The following SLC66A3 variants were observed in gnomAD, a reference collection of about 807,000 sequenced individuals.
SLC66A3 encodes PQ loop repeat containing 3.
Under a neutral mutation model 25.5 loss-of-function variants are expected in SLC66A3, and 23 were observed. The ratio of observed to expected loss-of-function variants is 0.90; its 90% CI spans 0.65 to 1.28. The LOEUF is 1.28. Ranked by LOEUF, SLC66A3 falls within the 50% of genes most tolerant of loss-of-function variation. The pLI is 0.00. For synonymous variants in SLC66A3, 108 were observed against 112.6 expected (o/e 0.96, Z 0.26); for missense variants, 246 against 262.1 (o/e 0.94, Z 0.42).
chr2:11,172,256 GA>G (rs35160592), intron 5 of SLC66A3, among the ~76,000 whole-genome samples: 9 of 149,404 alleles, frequency 6.0e-5, no homozygotes, highest in African/African-American at 2.2e-4. Context: ...AAGTTGCCAA[GA>G]AAAAAAAAAG....
intron 3 of SLC66A3, among the ~76,000 whole-genome samples, chr2:11,161,782 A>G (rs1374173727): frequency 6.6e-6 from 1 of 152,212 alleles, no homozygotes; most frequent in Non-Finnish European, 1.5e-5. Flanking sequence ...TGGCTTTCCA[A>G]AGTGCTGGGA....
chr2:11,175,252 T>C (rs1187119604), intron 6 of SLC66A3, among the ~76,000 whole-genome samples: 1 of 152,226 alleles, frequency 6.6e-6, no homozygotes, highest in Non-Finnish European at 1.5e-5. Flanking sequence ...GAACTTCCAC[T>C]TAAGCAGTGG....
chr2:11,170,854 G>A (rs1662526062), intron 4 of SLC66A3, among the ~76,000 whole-genome samples: 1 of 151,886 alleles, frequency 6.6e-6, no homozygotes, highest in Non-Finnish European at 1.5e-5. Context: ...CTCCCAAAGT[G>A]CTGGGATTAC....
chr2:11,157,885 C>G (rs948407560), intron 1 of SLC66A3, among the ~76,000 whole-genome samples: 5 of 152,148 alleles, frequency 3.3e-5, no homozygotes, highest in African/African-American at 9.7e-5. Flanking sequence ...TGGGCTCTGC[C>G]TCCCTGCTCT....
intron 4 of SLC66A3, among the ~76,000 whole-genome samples, chr2:11,166,502 C>T (rs1662349983): frequency 6.6e-6 from 1 of 152,184 alleles, no homozygotes; most frequent in African/African-American, 2.4e-5. Flanking sequence ...TTCTCTGTTA[C>T]ATTTCTGTTA....
intron 4 of SLC66A3, among the ~76,000 whole-genome samples, chr2:11,170,612 G>A (rs923048725): frequency 6.1e-5 from 9 of 148,444 alleles, no homozygotes; most frequent in African/African-American, 2.0e-4. Flanking sequence ...TTTTTGAGAC[G>A]GAGTTGCACT....
At chr2:11,157,712 G>A (rs1661957175) in intron 1 of SLC66A3, among the ~76,000 whole-genome samples, 1 of 152,274 alleles carries the variant, frequency 6.6e-6, no homozygotes, top group Non-Finnish European at 1.5e-5. Context: ...CATGAAGTGT[G>A]TCTTAATAAT....
chr2:11,167,508 G>C (rs7570428), intron 4 of SLC66A3, among the ~76,000 whole-genome samples: 84,209 of 152,092 alleles, frequency 0.55, 23,479 homozygotes, highest in Non-Finnish European at 0.58. Flanking sequence ...TTAGGTGTTT[G>C]TTCTGTGCCC....
chr2:11,177,601 CAG>C, intron 6 of SLC66A3, 134 bp from the exon 7 acceptor site: 1 of 579,308 alleles, frequency 1.7e-6, no homozygotes. Context: ...ATCATTTCCC[CAG>C]AAATAACTGG....
chr2:11,174,149 G>C (rs1357026767), intron 5 of SLC66A3, among the ~76,000 whole-genome samples: 2 of 151,978 alleles, frequency 1.3e-5, no homozygotes, highest in Non-Finnish European at 1.5e-5. Flanking sequence ...ATAGAGACAG[G>C]GTCTCACCAT....
chr2:11,174,681 G>C (rs1460917911), intron 5 of SLC66A3, among the ~76,000 whole-genome samples: 1 of 151,780 alleles, frequency 6.6e-6, no homozygotes, highest in Non-Finnish European at 1.5e-5. Flanking sequence ...ATTTTCAGTA[G>C]AGACAGACAG....
At chr2:11,158,411 C>G (rs1315093977) in intron 1 of SLC66A3, among the ~76,000 whole-genome samples, 1 of 152,150 alleles carries the variant, frequency 6.6e-6, no homozygotes, top group Non-Finnish European at 1.5e-5. Flanking sequence ...ACCTGTAATC[C>G]CAGCACTTTG....
intron 1 of SLC66A3, among the ~76,000 whole-genome samples, chr2:11,156,246 A>G (rs1661896319): frequency 1.3e-5 from 2 of 152,170 alleles, no homozygotes; most frequent in African/African-American, 4.8e-5. Context: ...TTCCTTAGTC[A>G]TCTGTAAGGA....
chr2:11,160,074 G>A (rs78802718), intron 1 of SLC66A3, among the ~76,000 whole-genome samples: 2,352 of 152,302 alleles, frequency 0.015, 67 homozygotes, highest in African/African-American at 0.054. Flanking sequence ...GCAGATGTGT[G>A]CAGCAGCTGA....
At chr2:11,174,789 T>C (rs931349013) in intron 5 of SLC66A3, among the ~76,000 whole-genome samples, 179 bp from the exon 6 acceptor site, 2 of 152,134 alleles carry the variant, frequency 1.3e-5, no homozygotes, top group African/African-American at 4.8e-5. Flanking sequence ...CACTATTTGG[T>C]TTTCTGTACT....
Position 11,171,968 on chromosome 2 carries a change from TC to T in SLC66A3, c.400del (p.Gln134SerfsTer12). 6.2e-7 allele frequency: 1 copy of T among 1,614,012 alleles called. No homozygotes were observed. Among genetic ancestry groups the T allele is most frequent in the Non-Finnish European group, 8.5e-7 (1 of 1,179,884 alleles). ...AGCGCGGCCAGTAAGTTTGCACAGCTCCAGTGTCTGTGGAAGACGAGAGACT... is the reference window on the plus strand; with the variant it reads ...AGCGCGGCCAGTAAGTTTGCACAGCTCAGTGTCTGTGGAAGACGAGAGACT... ...FISAASKFAQ[L>X]QCLWKTRDSG... is the part of the protein sequence containing the mutation. On this transcript the variant is annotated frameshift_variant, in exon 5 of 7. Transcript: ENST00000295083. LOFTEE classifies it high-confidence loss of function.
intron 4 of SLC66A3, among the ~76,000 whole-genome samples, chr2:11,171,399 T>A (rs574178950): frequency 6.6e-6 from 1 of 152,128 alleles, no homozygotes; most frequent in Admixed American, 6.5e-5. Context: ...ACAAATCCAT[T>A]ATTATTTTGA....
Position 11,160,553 on chromosome 2 carries a change from C to G in SLC66A3, c.226+5C>G. On this transcript the variant is annotated splice_donor_5th_base_variant and intron_variant, in intron 2 of 6. Transcript: ENST00000295083. ...ACCCCATCCTCATCGCGCAAGGTAA[C>G]AGCCCCTTCCCTGTCCAGCGGACTG... 3 of 1,614,186 alleles carry G rather than the reference C, an allele frequency of 1.9e-6. No individual in the cohort carries two copies. The highest frequency in any genetic ancestry group is 2.5e-6 in the Non-Finnish European group (3 of 1,180,032).
At chr2:11,175,295 T>C (rs1024210569) in intron 6 of SLC66A3, among the ~76,000 whole-genome samples, 6 of 152,236 alleles carry the variant, frequency 3.9e-5, no homozygotes, top group African/African-American at 1.4e-4. Flanking sequence ...CAATTCCCTA[T>C]TGAATTCTAA....
Sources: gnomAD v4.1 joint callset for allele counts (sites outside exome capture counted in the v4.1 genomes callset) on GRCh38, gnomAD v4.1.1 for gene constraint, MANE v1.5 for transcripts, NCBI Gene and HGNC (gene_info 2026-07-23, HGNC 2026-07-21) for gene names.